Variants in ARHGEF37 observed in about 807,000 individuals in gnomAD.
ARHGEF37 encodes the protein Rho guanine nucleotide exchange factor (GEF) 37.
ARHGEF37 carries 55 observed loss-of-function variants against 71.1 expected under a neutral mutation model. The observed-to-expected ratio is 0.77, with a 90% CI of 0.62 to 0.97. The LOEUF is 0.97. Among genes scored for constraint, ARHGEF37 ranks in the 50% least tolerant of loss-of-function variants. The pLI is 0.00. For missense variants in ARHGEF37, 765 were observed against 836.8 expected (o/e 0.91, Z 1.06); for synonymous variants, 327 against 350.6 (o/e 0.93, Z 0.75).
chr5:149,569,585 G>C (rs1448710055), intron 1 of ARHGEF37, among the ~76,000 whole-genome samples: 2 of 152,132 alleles, frequency 1.3e-5, no homozygotes, highest in Non-Finnish European at 2.9e-5. Flanking sequence ...CTCCCACAGT[G>C]CTGGGATTAC....
At chr5:149,563,451 C>T (rs1762861354) in intron 1 of ARHGEF37, among the ~76,000 whole-genome samples, 1 of 152,180 alleles carries the variant, frequency 6.6e-6, no homozygotes, top group South Asian at 2.1e-4. Context: ...TGATTTGTGG[C>T]TTAGGATTTC....
At chr5:149,611,290 G>A (rs373501794) in intron 4 of ARHGEF37, among the ~76,000 whole-genome samples, 27 of 152,202 alleles carry the variant, frequency 1.8e-4, no homozygotes, top group African/African-American at 6.5e-4. Context: ...GATTGGGGGA[G>A]GAATAATAGC....
At chr5:149,599,314 G>A (rs1870229) in intron 2 of ARHGEF37, among the ~76,000 whole-genome samples, 80,994 of 151,996 alleles carry the variant, frequency 0.53, 22,022 homozygotes, top group East Asian at 0.71. Context: ...TCAGCCACAG[G>A]AGAGGGGCTG....
intron 1 of ARHGEF37, among the ~76,000 whole-genome samples, chr5:149,553,735 A>G (rs1271930468): frequency 6.6e-6 from 1 of 152,224 alleles, no homozygotes; most frequent in East Asian, 1.9e-4. Flanking sequence ...AGTAAGCAAT[A>G]CATCTTTCAT....
chr5:149,632,047 T>C lies in ARHGEF37; in HGVS notation c.1884T>C (p.Pro628=). 6.2e-7 allele frequency: 1 copy of C among 1,614,284 alleles called. No individual in the cohort carries two copies. Among genetic ancestry groups the C allele is most frequent in the Non-Finnish European group, 8.5e-7 (1 of 1,180,048 alleles). Residue 628 remains proline (P), a synonymous_variant, in exon 13 of 13, where the codon CCT becomes CCC. Transcript: ENST00000333677. ...SHEVSLQAGQ[P]VTILEAQDKK... ...AAGTGAGCCTGCAGGCAGGCCAGCC[T>C]GTGACCATCCTGGAGGCCCAGGACA...
chr5:149,598,761 T>TAGATAGATAGATAG (rs1221841533), intron 2 of ARHGEF37, among the ~76,000 whole-genome samples: 134 of 75,712 alleles, frequency 1.8e-3, no homozygotes, highest in African/African-American at 6.5e-3. Context: ...TATATATAGA[T>TAGATAGATAGATAG]ATAGATATAG....
chr5:149,578,643 C>T (rs1414715869), upstream of ARHGEF37, among the ~76,000 whole-genome samples: 1 of 152,166 alleles, frequency 6.6e-6, no homozygotes, highest in African/African-American at 2.4e-5. Context: ...CATGTATTTT[C>T]TTTTCAAAAT....
At chr5:149,625,181 A>G (rs954753492) in intron 10 of ARHGEF37, among the ~76,000 whole-genome samples, 1 of 152,188 alleles carries the variant, frequency 6.6e-6, no homozygotes, top group African/African-American at 2.4e-5. Context: ...TTGGAATTAC[A>G]GGCGTGAGCC....
chr5:149,617,286 A>C (rs1413284967), intron 5 of ARHGEF37, among the ~76,000 whole-genome samples: 2 of 152,222 alleles, frequency 1.3e-5, no homozygotes, highest in Non-Finnish European at 2.9e-5. Context: ...CCCTTGAGCT[A>C]AAGTGAGATC....
upstream of ARHGEF37, among the ~76,000 whole-genome samples, chr5:149,578,474 C>T (rs1763051607): frequency 2.0e-5 from 3 of 152,150 alleles, no homozygotes; most frequent in Non-Finnish European, 2.9e-5. Flanking sequence ...CCTAATCCAC[C>T]TCTTTGCCTC....
intron 12 of ARHGEF37, 79 bp from the exon 13 acceptor site, chr5:149,631,903 A>G (rs552560825): frequency 2.1e-6 from 3 of 1,460,188 alleles, no homozygotes; most frequent in South Asian, 2.5e-5. Flanking sequence ...GGATGGGAAC[A>G]GGATAAACAG....
intron 4 of ARHGEF37, among the ~76,000 whole-genome samples, chr5:149,613,768 T>C (rs1023556429): frequency 4.0e-5 from 6 of 150,018 alleles, no homozygotes; most frequent in Non-Finnish European, 7.4e-5. Flanking sequence ...TGTTTTCTTT[T>C]TTTTTTTTTT....
upstream of ARHGEF37, among the ~76,000 whole-genome samples, chr5:149,579,912 AT>A (rs1763076023): frequency 6.6e-6 from 1 of 151,990 alleles, no homozygotes; most frequent in Admixed American, 6.6e-5. Context: ...AAATACTCAA[AT>A]TGTTAGAAAA....
At chr5:149,593,976 A>G (rs1029601285) in intron 1 of ARHGEF37, among the ~76,000 whole-genome samples, 1 of 152,280 alleles carries the variant, frequency 6.6e-6, no homozygotes, top group Middle Eastern at 3.4e-3. Flanking sequence ...CCTTTAAACA[A>G]TTATTAGTTT....
chr5:149,612,113 G>A (rs1752203795), intron 4 of ARHGEF37, among the ~76,000 whole-genome samples: 1 of 152,176 alleles, frequency 6.6e-6, no homozygotes, highest in Admixed American at 6.5e-5. Context: ...ACAGAAAAAT[G>A]AAAGGGCACA....
chr5:149,563,472 A>G (rs555795428), intron 1 of ARHGEF37, among the ~76,000 whole-genome samples: 2 of 152,300 alleles, frequency 1.3e-5, no homozygotes, highest in South Asian at 2.1e-4. Context: ...AAGTTCTGTC[A>G]TTCTTCTTAG....
chr5:149,586,362 A>G (rs2113274720), intron 1 of ARHGEF37, among the ~76,000 whole-genome samples: 2 of 152,308 alleles, frequency 1.3e-5, no homozygotes, highest in East Asian at 3.9e-4. Context: ...CCCAGTTTCA[A>G]GTGATTCTCC....
At chr5:149,613,636 C>T (rs944981237) in intron 4 of ARHGEF37, among the ~76,000 whole-genome samples, 6 of 152,134 alleles carry the variant, frequency 3.9e-5, no homozygotes, top group African/African-American at 1.2e-4. Flanking sequence ...TGAGCCACGG[C>T]GCCCGTCTGA....
intron 1 of ARHGEF37, among the ~76,000 whole-genome samples, chr5:149,597,073 A>G (rs1055104621): frequency 5.3e-5 from 8 of 151,896 alleles, no homozygotes; most frequent in African/African-American, 1.9e-4. Flanking sequence ...GGCGATGGGT[A>G]GTAAGGCCTA....
Sources: allele counts gnomAD v4.1 joint callset (sites outside exome capture counted in the v4.1 genomes callset), GRCh38; gene constraint gnomAD v4.1.1; transcripts MANE v1.5; gene names NCBI Gene and HGNC (gene_info 2026-07-23, HGNC 2026-07-21).